SLC4A10: variants seen among roughly 807,000 people sequenced by gnomAD.
SLC4A10 encodes sodium-driven chloride bicarbonate exchanger.
SLC4A10 carries 42 observed loss-of-function variants against 137.7 expected under a neutral mutation model. The observed-to-expected ratio is 0.30, with a 90% CI of 0.24 to 0.39. SLC4A10 has a LOEUF of 0.39. SLC4A10 is among the 10% of genes least tolerant of loss of function. The probability of loss-of-function intolerance (pLI) is 1.00; values close to 1 mark genes in which losing one functional copy is unlikely to be tolerated. For synonymous variants in SLC4A10, 474 were observed against 464.1 expected (o/e 1.02, Z -0.27); for missense variants, 925 against 1,355.0 (o/e 0.68, Z 4.98).
At chr2:161,862,024 G>C (rs868354102) in intron 5 of SLC4A10, among the ~76,000 whole-genome samples, 18 of 152,270 alleles carry the variant, frequency 1.2e-4, no homozygotes, top group Non-Finnish European at 2.4e-4. Context: ...GTTAATGTTT[G>C]ATAATCAGAA....
chr2:161,864,365 T>G (rs2060612401), intron 6 of SLC4A10, among the ~76,000 whole-genome samples: 1 of 152,194 alleles, frequency 6.6e-6, no homozygotes, highest in Non-Finnish European at 1.5e-5. Context: ...AGAGATGCCT[T>G]AAATAAAATG....
chr2:161,637,866 G>A (rs2034684789), intron 1 of SLC4A10, among the ~76,000 whole-genome samples: 1 of 152,072 alleles, frequency 6.6e-6, no homozygotes. Context: ...GTGATGTTGA[G>A]CAGTTTTTCA....
At chr2:161,960,363 C>CAAAAAA (rs369670130) in intron 21 of SLC4A10, among the ~76,000 whole-genome samples, 1 of 46,022 alleles carries the variant, frequency 2.2e-5, no homozygotes, top group East Asian at 7.7e-4. Context: ...GACTCTGTCT[C>CAAAAAA]AAAAAAAAAA....
intron 4 of SLC4A10, among the ~76,000 whole-genome samples, chr2:161,847,772 C>G (rs2059592848): frequency 6.6e-6 from 1 of 152,078 alleles, no homozygotes; most frequent in African/African-American, 2.4e-5. Flanking sequence ...ATACAGTCCA[C>G]CACTGGTAGG....
chr2:161,767,213 T>C (rs867472288), intron 1 of SLC4A10, among the ~76,000 whole-genome samples: 45 of 108,656 alleles, frequency 4.1e-4, no homozygotes, highest in Admixed American at 2.4e-3. Flanking sequence ...TATATATATA[T>C]ACACATATAT....
In SLC4A10 at chr2:161,704,312, C is replaced by T. The variant is rs114208387; in HGVS notation, c.49-66661C>T. Among the ~76,000 whole-genome samples the T allele has an allele frequency of 7.6e-3, 1,152 of 151,608 alleles. 15 individuals carry two copies. The highest frequency in any genetic ancestry group is 0.026 in the African/African-American group (1,087 of 41,444). On this transcript the variant is annotated intron_variant, in intron 1 of 26. Transcript: ENST00000446997. ...GTGAAAGTAAACAATCAATCACACA[C>T]GCACATAATAAATAATATGCAAAGC...
intron 26 of SLC4A10, among the ~76,000 whole-genome samples, chr2:161,978,138 AT>A (rs1699673968): frequency 6.6e-6 from 1 of 152,222 alleles, no homozygotes; most frequent in Non-Finnish European, 1.5e-5. Flanking sequence ...TAATCCCAGC[AT>A]TTTGGGATGC....
intron 15 of SLC4A10, among the ~76,000 whole-genome samples, chr2:161,919,967 G>A (rs537055856): frequency 6.6e-6 from 1 of 152,330 alleles, no homozygotes; most frequent in Admixed American, 6.5e-5. Flanking sequence ...TGCAGTGTAA[G>A]TGGCTTGCAG....
chr2:161,786,155 T>C (rs541899334), intron 2 of SLC4A10, among the ~76,000 whole-genome samples: 8 of 152,064 alleles, frequency 5.3e-5, no homozygotes, highest in African/African-American at 1.4e-4. Flanking sequence ...AGAATTGAAC[T>C]CTTTGTCATT....
At chr2:161,889,957 A>G (rs2062743660) in intron 10 of SLC4A10, among the ~76,000 whole-genome samples, 1 of 152,084 alleles carries the variant, frequency 6.6e-6, no homozygotes. Context: ...ACACTGCTTC[A>G]GCTGTGTCCC....
chr2:161,679,754 T>A (rs922725868), intron 1 of SLC4A10, among the ~76,000 whole-genome samples: 16 of 151,608 alleles, frequency 1.1e-4, no homozygotes, highest in African/African-American at 3.9e-4. Context: ...GTGGCTTGTC[T>A]GCTTTTATTT....
At chr2:161,872,271 C>A in intron 6 of SLC4A10, 22 bp from the exon 7 acceptor site, 1 of 1,580,932 alleles carries the variant, frequency 6.3e-7, no homozygotes, top group Non-Finnish European at 8.7e-7. Flanking sequence ...TGTTTGTATT[C>A]TGTCACAACA....
chr2:161,933,399 C>G (rs1285191650), intron 15 of SLC4A10, among the ~76,000 whole-genome samples: 4 of 150,084 alleles, frequency 2.7e-5, no homozygotes, highest in Non-Finnish European at 4.4e-5. Flanking sequence ...CCCTTCCCTT[C>G]CCTTTCCTCT....
chr2:161,902,270 G>C (rs1046156657), intron 12 of SLC4A10: 2 of 219,846 alleles, frequency 9.1e-6, no homozygotes, highest in East Asian at 2.8e-4. Context: ...ATAAGTAATT[G>C]ATTAGAATCA....
chr2:161,737,602 C>T (rs1183818443), intron 1 of SLC4A10, among the ~76,000 whole-genome samples: 3 of 152,068 alleles, frequency 2.0e-5, no homozygotes, highest in East Asian at 3.9e-4. Context: ...CTTCATGGGC[C>T]TAATTCAGGA....
At chr2:161,759,149 T>C (rs1419586965) in intron 1 of SLC4A10, among the ~76,000 whole-genome samples, 1 of 151,938 alleles carries the variant, frequency 6.6e-6, no homozygotes, top group Non-Finnish European at 1.5e-5. Context: ...TGGTTGGAAA[T>C]TTTCTCAGTT....
Position 161,872,300 on chromosome 2 carries a change from G to A in SLC4A10, c.774G>A (p.Gln258=). The A allele has an allele frequency of 6.2e-7, 1 of 1,613,158 alleles. No homozygotes were observed. The highest frequency in any genetic ancestry group is 2.2e-5 in the East Asian group (1 of 44,810). Residue 258 remains glutamine (Q), a synonymous_variant, in exon 7 of 27, where the codon CAG becomes CAA. Coordinates refer to ENST00000446997, the MANE Select transcript of SLC4A10 (RefSeq NM_001178015.2). ...CACAACAATCTCTTTTAGCAGGTCA[G>A]GTTGTTTCTCCTCAGTCTGCTCCAG... ...EPNSMDKNAG[Q]VVSPQSAPAC...
chr2:161,915,555 C>T (rs992199598), intron 15 of SLC4A10, among the ~76,000 whole-genome samples: 13 of 152,136 alleles, frequency 8.5e-5, no homozygotes, highest in African/African-American at 3.1e-4. Context: ...ACACTGCTGT[C>T]TGTGGATGGT....
At chr2:161,719,706 A>G (rs557627184) in intron 1 of SLC4A10, among the ~76,000 whole-genome samples, 3 of 152,280 alleles carry the variant, frequency 2.0e-5, no homozygotes, top group African/African-American at 7.2e-5. Flanking sequence ...TCTTCTTTTG[A>G]GAAATGTCTG....
Sources: allele counts gnomAD v4.1 joint callset (sites outside exome capture counted in the v4.1 genomes callset), GRCh38; gene constraint gnomAD v4.1.1; transcripts MANE v1.5; gene names NCBI Gene and HGNC (gene_info 2026-07-23, HGNC 2026-07-21).